Variants in CLEC9A observed in about 807,000 individuals in gnomAD.
CLEC9A encodes the protein C-type lectin domain family 9 member A.
In CLEC9A, 24 loss-of-function variants were observed where a neutral mutation model predicts 30.0. That is an observed-to-expected ratio of 0.80 (90% CI 0.58 to 1.13). The LOEUF (loss-of-function observed/expected upper bound fraction) is 1.13. Among genes scored for constraint, CLEC9A ranks in the 50% most tolerant of loss-of-function variants. The probability of loss-of-function intolerance (pLI) is 0.00; values close to 1 mark genes in which losing one functional copy is unlikely to be tolerated. For missense variants in CLEC9A, 251 were observed against 280.9 expected (o/e 0.89, Z 0.76); for synonymous variants, 111 against 96.8 (o/e 1.15, Z -0.86).
intron 2 of CLEC9A, among the ~76,000 whole-genome samples, chr12:10,046,965 A>G (rs1865851988): frequency 6.6e-6 from 1 of 152,196 alleles, no homozygotes; most frequent in African/African-American, 2.4e-5. Context: ...ATATGACTAT[A>G]TAAAGTACTG....
At chr12:10,050,578 AG>A (rs1298195235) in intron 2 of CLEC9A, among the ~76,000 whole-genome samples, 2 of 152,258 alleles carry the variant, frequency 1.3e-5, no homozygotes, top group East Asian at 3.8e-4. Flanking sequence ...AAACATCAAA[AG>A]TAATAAAAGG....
chr12:10,052,980 G>A (rs944766191), intron 4 of CLEC9A: 10 of 476,932 alleles, frequency 2.1e-5, no homozygotes, highest in Admixed American at 1.2e-4. Flanking sequence ...ATAAACGTGC[G>A]GAACTATTTT....
At position 10,041,498 on chromosome 12, in the gene CLEC9A, T is replaced by C; in HGVS notation, c.-285T>C. The stretch of plus-strand genomic sequence containing the variant: ...TAAACGCAGCCCCTGTGATGCCAAC[T>C]GGACATATTATGGAGATAGCTGCTA... On this transcript the variant is annotated 5_prime_UTR_variant, in exon 2 of 9. Transcript: ENST00000355819. 2.1e-6 allele frequency: 1 copy of C among 471,750 alleles called. No individual in the cohort carries two copies. Among genetic ancestry groups the C allele is most frequent in the Non-Finnish European group, 4.2e-6 (1 of 239,182 alleles). 29.2% of individuals were successfully genotyped at this position (471,750 alleles called of 1,614,324 possible). A position where few individuals can be genotyped will look rare whatever the true frequency, so the allele number is the denominator to read the frequency against.
intron 1 of CLEC9A, among the ~76,000 whole-genome samples, chr12:10,040,379 T>C (rs1045113946): frequency 6.6e-6 from 1 of 152,192 alleles, no homozygotes; most frequent in Non-Finnish European, 1.5e-5. Flanking sequence ...TTAAATTTGT[T>C]CTTTATAGCC....
intron 2 of CLEC9A, among the ~76,000 whole-genome samples, chr12:10,050,444 T>C (rs1865883312): frequency 6.6e-6 from 1 of 152,240 alleles, no homozygotes; most frequent in African/African-American, 2.4e-5. Context: ...AAGATATGCC[T>C]GTACTCTATA....
chr12:10,052,959 C>T (rs766132806), intron 4 of CLEC9A, 181 bp downstream of exon 4: 4 of 592,036 alleles, frequency 6.8e-6, no homozygotes, highest in Non-Finnish European at 1.1e-5. Flanking sequence ...ATAAAGAGAG[C>T]AATACACGTG....
intron 1 of CLEC9A, among the ~76,000 whole-genome samples, chr12:10,038,632 T>C (rs74395839): frequency 0.014 from 2,112 of 152,326 alleles, 42 homozygotes; most frequent in African/African-American, 0.049. Flanking sequence ...TCCATAAAGC[T>C]ATATAAGAGC....
intron 8 of CLEC9A, 23 bp from the exon 9 acceptor site, chr12:10,065,477 G>A (rs374630613): frequency 1.4e-5 from 23 of 1,613,078 alleles, no homozygotes; most frequent in Non-Finnish European, 1.9e-5. Flanking sequence ...TCTAACCTCA[G>A]AAATGTTGAC....
intron 1 of CLEC9A, among the ~76,000 whole-genome samples, chr12:10,039,682 C>A (rs1209202729): frequency 6.6e-6 from 1 of 152,182 alleles, no homozygotes; most frequent in Non-Finnish European, 1.5e-5. Flanking sequence ...ATCTCACAGT[C>A]CTCCAGTGGC....
In CLEC9A at chr12:10,065,625, CT is replaced by C; in HGVS notation, c.720del (p.Val241SerfsTer62). Reference sequence around the variant, plus strand: ...TGTGAGAAGTATGCGTTGAGATCCTCTGTCTGAAAGAAATTGTGTTCAAAGT... The same window carrying C: ...TGTGAGAAGTATGCGTTGAGATCCTCGTCTGAAAGAAATTGTGTTCAAAGT... ...FICEKYALRS[S>X]V On this transcript the variant is annotated frameshift_variant, in exon 9 of 9. Coordinates refer to ENST00000355819, the MANE Select transcript of CLEC9A (RefSeq NM_207345.4). LOFTEE classifies it high-confidence loss of function. 1 of 1,613,658 alleles carries C rather than the reference CT, an allele frequency of 6.2e-7. No individual in the cohort carries two copies. Among genetic ancestry groups the C allele is most frequent in the South Asian group, 1.1e-5 (1 of 91,064 alleles).
intron 1 of CLEC9A, among the ~76,000 whole-genome samples, chr12:10,033,155 G>T (rs1865714788): frequency 6.6e-6 from 1 of 151,738 alleles, no homozygotes; most frequent in African/African-American, 2.4e-5. Context: ...TGTTCCCTAG[G>T]ACACCGTTCT....
At chr12:10,050,838 T>C (rs1050781228) in intron 2 of CLEC9A, among the ~76,000 whole-genome samples, 2 of 152,154 alleles carry the variant, frequency 1.3e-5, no homozygotes, top group African/African-American at 4.8e-5. Flanking sequence ...TGATCCTACT[T>C]TAAGGCTATG....
chr12:10,055,524 A>G (rs1369696358), intron 5 of CLEC9A, among the ~76,000 whole-genome samples: 1 of 152,208 alleles, frequency 6.6e-6, no homozygotes, highest in Non-Finnish European at 1.5e-5. Context: ...ATGAATTTCA[A>G]TGTTATTTTA....
chr12:10,038,109 T>TA (rs1383330166), intron 1 of CLEC9A, among the ~76,000 whole-genome samples: 4 of 152,212 alleles, frequency 2.6e-5, no homozygotes, highest in Non-Finnish European at 5.9e-5. Flanking sequence ...TTAACTGAGA[T>TA]AAAAAACTCA....
chr12:10,051,204 TAA>T (rs76673745), intron 2 of CLEC9A, among the ~76,000 whole-genome samples: 9 of 136,694 alleles, frequency 6.6e-5, no homozygotes, highest in Admixed American at 2.2e-4. Context: ...AAACTCTGTC[TAA>T]AAAAAAAAAA....
At chr12:10,039,671 A>G (rs1156825749) in intron 1 of CLEC9A, among the ~76,000 whole-genome samples, 1 of 152,140 alleles carries the variant, frequency 6.6e-6, no homozygotes, top group Non-Finnish European at 1.5e-5. Flanking sequence ...TCCTCCAGGA[A>G]ATCTCACAGT....
At chr12:10,042,235 T>C (rs1228574016) in intron 2 of CLEC9A, among the ~76,000 whole-genome samples, 1 of 152,234 alleles carries the variant, frequency 6.6e-6, no homozygotes, top group East Asian at 1.9e-4. Flanking sequence ...ATAATGTTGA[T>C]ATATTCTAAA....
intron 5 of CLEC9A, among the ~76,000 whole-genome samples, chr12:10,056,813 G>A (rs1389760468): frequency 6.6e-6 from 1 of 151,990 alleles, no homozygotes; most frequent in Non-Finnish European, 1.5e-5. Context: ...GAGGATAAAA[G>A]AAACATAGCT....
intron 1 of CLEC9A, among the ~76,000 whole-genome samples, chr12:10,034,230 T>A (rs1029828041): frequency 6.6e-6 from 1 of 152,170 alleles, no homozygotes; most frequent in East Asian, 1.9e-4. Flanking sequence ...CTACCACAAA[T>A]GTAACTGATA....
Sources: gnomAD v4.1 joint callset for allele counts (sites outside exome capture counted in the v4.1 genomes callset) on GRCh38, gnomAD v4.1.1 for gene constraint, MANE v1.5 for transcripts, NCBI Gene and HGNC (gene_info 2026-07-23, HGNC 2026-07-21) for gene names.